The following BTRC variants were observed in gnomAD, a reference collection of about 807,000 sequenced individuals.
BTRC encodes the protein F-box/WD repeat-containing protein 1A.
In BTRC, 42 loss-of-function variants were observed where a neutral mutation model predicts 85.5. The observed-to-expected ratio is 0.49, with a 90% CI of 0.38 to 0.64. The LOEUF (loss-of-function observed/expected upper bound fraction) is 0.64. Ranked by LOEUF, BTRC falls within the 30% of genes least tolerant of loss-of-function variation. BTRC has a pLI of 0.00. For synonymous variants in BTRC, 255 were observed against 263.3 expected (o/e 0.97, Z 0.30); for missense variants, 594 against 743.5 (o/e 0.80, Z 2.34).
chr10:101,466,413 AAGT>A (rs1479819535), intron 3 of BTRC, among the ~76,000 whole-genome samples: 2 of 152,324 alleles, frequency 1.3e-5, no homozygotes, highest in East Asian at 3.9e-4. Context: ...GAAGCTAACA[AAGT>A]AGCTGTCTCC....
intron 6 of BTRC, among the ~76,000 whole-genome samples, chr10:101,530,687 T>A (rs2062266991): frequency 6.6e-6 from 1 of 152,194 alleles, no homozygotes; most frequent in Non-Finnish European, 1.5e-5. Flanking sequence ...ACTCCGATGT[T>A]CTACACTGGA....
At chr10:101,523,645 T>A (rs1196371594) in intron 5 of BTRC, among the ~76,000 whole-genome samples, 1 of 152,202 alleles carries the variant, frequency 6.6e-6, no homozygotes. Context: ...TTTGCTAAGT[T>A]ATTAATATTT....
chr10:101,533,441 T>C (rs2062331553), intron 9 of BTRC, among the ~76,000 whole-genome samples: 1 of 152,200 alleles, frequency 6.6e-6, no homozygotes, highest in South Asian at 2.1e-4. Flanking sequence ...GTCTGTATTA[T>C]CTCCTTTGAA....
intron 1 of BTRC, 36 bp from the exon 2 acceptor site, chr10:101,430,309 A>T: frequency 6.8e-7 from 1 of 1,472,270 alleles, no homozygotes; most frequent in East Asian, 2.3e-5. Context: ...ATCCTGTCTC[A>T]TACTGTCCCA....
At chr10:101,443,240 A>G (rs1309804841) in intron 2 of BTRC, among the ~76,000 whole-genome samples, 1 of 152,140 alleles carries the variant, frequency 6.6e-6, no homozygotes, top group Non-Finnish European at 1.5e-5. Flanking sequence ...GGCAAGTTTT[A>G]AACCCTCCTA....
chr10:101,486,344 G>T (rs1375948035), intron 4 of BTRC, among the ~76,000 whole-genome samples: 5 of 152,112 alleles, frequency 3.3e-5, no homozygotes, highest in African/African-American at 1.2e-4. Context: ...TCGGCTGGGG[G>T]CTTGTAATTG....
In BTRC at chr10:101,424,502, G is replaced by C. The variant is rs139073014; in HGVS notation, c.49-5843G>C. The stretch of plus-strand genomic sequence containing the variant: ...TGGCTTAAGGATACGTAAACTCTCA[G>C]TACAGCAATCTTTTTATTGTTGATT... On this transcript the variant is annotated intron_variant, in intron 1 of 14. Transcript: ENST00000370187. Among the ~76,000 whole-genome samples, 3 of 152,294 alleles carry C rather than the reference G, an allele frequency of 2.0e-5. No homozygotes were observed. In the East Asian group the frequency reaches 5.8e-4, roughly 29 times the overall value.
At chr10:101,435,387 CTGATT>C (rs553401264) in intron 2 of BTRC, among the ~76,000 whole-genome samples, 3 of 152,192 alleles carry the variant, frequency 2.0e-5, no homozygotes, top group African/African-American at 7.2e-5. Context: ...AATTACTGTT[CTGATT>C]TGTCACCAAG....
At chr10:101,450,037 T>G (rs556021850) in intron 2 of BTRC, among the ~76,000 whole-genome samples, 16 of 147,964 alleles carry the variant, frequency 1.1e-4, no homozygotes, top group Admixed American at 4.7e-4. Flanking sequence ...GTAGGAAGTG[T>G]TTTTTTTTGT....
chr10:101,544,490 G>A (rs2062526181), intron 13 of BTRC, among the ~76,000 whole-genome samples: 1 of 150,450 alleles, frequency 6.6e-6, no homozygotes, highest in Non-Finnish European at 1.5e-5. Flanking sequence ...GCTCACTGCA[G>A]CCTTGGACTT....
chr10:101,488,778 G>A (rs1946054841), intron 4 of BTRC, among the ~76,000 whole-genome samples: 1 of 152,028 alleles, frequency 6.6e-6, no homozygotes. Context: ...GCATTTATTT[G>A]AAGTACTAAT....
chr10:101,473,992 T>C (rs1181068207), intron 3 of BTRC, among the ~76,000 whole-genome samples: 1 of 152,180 alleles, frequency 6.6e-6, no homozygotes, highest in Non-Finnish European at 1.5e-5. Context: ...TTTTCATCTG[T>C]TTATTCATTG....
intron 1 of BTRC, among the ~76,000 whole-genome samples, chr10:101,362,968 G>A (rs768503807): frequency 1.3e-5 from 2 of 152,192 alleles, no homozygotes; most frequent in Non-Finnish European, 2.9e-5. Context: ...TGTAGGTTAT[G>A]TGCCGTTTAA....
chr10:101,409,563 C>T (rs1021298502), intron 1 of BTRC, among the ~76,000 whole-genome samples: 1 of 152,076 alleles, frequency 6.6e-6, no homozygotes, highest in Non-Finnish European at 1.5e-5. Context: ...TACTATATAC[C>T]TGGGCTATAT....
At chr10:101,354,521 C>A (rs1031456801) in intron 1 of BTRC, 2 of 445,004 alleles carry the variant, frequency 4.5e-6, no homozygotes, top group Admixed American at 8.8e-5. Context: ...GGGAAAGGGG[C>A]GTGGGGACTG....
intron 4 of BTRC, among the ~76,000 whole-genome samples, chr10:101,510,132 C>CA (rs1946662459): frequency 6.7e-6 from 1 of 148,342 alleles, no homozygotes; most frequent in South Asian, 2.1e-4. Flanking sequence ...GACTCTGTCT[C>CA]AAAAAAAGAA....
chr10:101,454,997 G>A (rs1015098286), intron 2 of BTRC, among the ~76,000 whole-genome samples: 2 of 151,790 alleles, frequency 1.3e-5, no homozygotes, highest in African/African-American at 2.4e-5. Flanking sequence ...TTTAGGGAAA[G>A]ACCATTACGA....
At chr10:101,393,943 C>T (rs890334706) in intron 1 of BTRC, among the ~76,000 whole-genome samples, 1 of 152,176 alleles carries the variant, frequency 6.6e-6, no homozygotes, top group African/African-American at 2.4e-5. Context: ...ACAAGCATAG[C>T]CAGTGTAATG....
At chr10:101,481,912 G>A (rs1945843246) in intron 4 of BTRC, among the ~76,000 whole-genome samples, 1 of 152,070 alleles carries the variant, frequency 6.6e-6, no homozygotes, top group African/African-American at 2.4e-5. Context: ...CTTCAGATTT[G>A]AGCCAAATAA....
Sources: allele counts gnomAD v4.1 joint callset (sites outside exome capture counted in the v4.1 genomes callset), GRCh38; gene constraint gnomAD v4.1.1; transcripts MANE v1.5; gene names NCBI Gene and HGNC (gene_info 2026-07-23, HGNC 2026-07-21).